Variants in BMPR1A observed in about 807,000 individuals in gnomAD.
The protein encoded by BMPR1A is bone morphogenetic protein receptor type-1A.
A neutral mutation model predicts 66.0 loss-of-function variants in BMPR1A; 7 were observed. The ratio of observed to expected loss-of-function variants is 0.11; its 90% CI spans 0.06 to 0.20. BMPR1A has a LOEUF of 0.20. Ranked by LOEUF, BMPR1A falls within the 10% of genes least tolerant of loss-of-function variation. The pLI, the probability that BMPR1A is intolerant of heterozygous loss-of-function variation, is 1.00. For missense variants in BMPR1A, 408 were observed against 669.1 expected (o/e 0.61, Z 4.31); for synonymous variants, 200 against 229.7 (o/e 0.87, Z 1.17).
At position 86,876,078 on chromosome 10, in the gene BMPR1A, T is replaced by C. The variant is rs780704079; in HGVS notation, c.60T>C (p.Arg20=). ...GAGCCTATTTGTTCATCATTTCTCG[T>C]GTTCAAGGTAAATCAGTGTTCATTT... ...LLGAYLFIIS[R]VQGQNLDSML... Residue 20 remains arginine (R), a synonymous_variant, in exon 3 of 13, where the codon CGT becomes CGC. Transcript: ENST00000372037. The C allele has an allele frequency of 3.7e-6, 6 of 1,610,338 alleles. No individual in the cohort carries two copies. Among genetic ancestry groups the C allele is most frequent in the Non-Finnish European group, 3.4e-6 (4 of 1,176,742 alleles).
intron 1 of BMPR1A, among the ~76,000 whole-genome samples, chr10:86,787,853 C>T (rs1281418164): frequency 1.3e-5 from 2 of 151,524 alleles, no homozygotes; most frequent in African/African-American, 4.8e-5. Context: ...TGAGAACTCA[C>T]TATCATGAGT....
chr10:86,849,670 CCACATAT>C (rs1842539408), intron 2 of BMPR1A, among the ~76,000 whole-genome samples: 1 of 152,174 alleles, frequency 6.6e-6, no homozygotes, highest in Admixed American at 6.5e-5. Flanking sequence ...TACTGAGTAG[CCACATAT>C]GGTTAGTGGC....
At chr10:86,796,940 G>A (rs1232750981) in intron 1 of BMPR1A, among the ~76,000 whole-genome samples, 2 of 151,988 alleles carry the variant, frequency 1.3e-5, no homozygotes, top group Non-Finnish European at 2.9e-5. Flanking sequence ...TAGCTCTCAT[G>A]CTTTAGTTCT....
rs952933726 is a variant in BMPR1A at position 86,850,809 on chromosome 10, T to G, written c.-153+11830T>G. On this transcript the variant is annotated intron_variant, in intron 2 of 12. Transcript: ENST00000372037. The stretch of plus-strand genomic sequence containing the variant: ...AGCCACCACACCTGGCCTAAAGTTC[T>G]CCTTTTTGAGGTGATAATTTTTAAA... Among the ~76,000 whole-genome samples the G allele has an allele frequency of 4.6e-5, 7 of 152,194 alleles. No homozygotes were observed. The South Asian group carries it at 1.4e-3, about 31-fold the overall frequency.
At chr10:86,901,460 T>C (rs1843309526) in intron 7 of BMPR1A, among the ~76,000 whole-genome samples, 2 of 152,238 alleles carry the variant, frequency 1.3e-5, no homozygotes, top group Non-Finnish European at 2.9e-5. Context: ...CAATGGCCAG[T>C]TCCGAAGTTC....
intron 1 of BMPR1A, among the ~76,000 whole-genome samples, chr10:86,799,457 T>TTCCTTCCTTCCTTC (rs1841774865): frequency 6.9e-5 from 10 of 144,228 alleles, no homozygotes; most frequent in African/African-American, 1.6e-4. Context: ...ACATTTTCTT[T>TTCCTTCCTTCCTTC]CTTCCTTCCT....
upstream of BMPR1A, chr10:86,756,169 G>T (rs534745103): frequency 6.6e-6 from 1 of 152,278 alleles, no homozygotes; most frequent in East Asian, 1.9e-4. Flanking sequence ...ATCCGGCCCC[G>T]AAGGCCGGAG....
chr10:86,876,950 G>A (rs778517304), intron 3 of BMPR1A, among the ~76,000 whole-genome samples: 6 of 152,176 alleles, frequency 3.9e-5, no homozygotes, highest in Non-Finnish European at 7.3e-5. Context: ...GGAAGTTATT[G>A]TGATGACTCT....
chr10:86,758,347 C>G (rs1366378775), intron 1 of BMPR1A, among the ~76,000 whole-genome samples: 1 of 150,644 alleles, frequency 6.6e-6, no homozygotes, highest in African/African-American at 2.4e-5. Context: ...GGCTTCTTAA[C>G]CTTCCGTCAA....
At chr10:86,897,182 A>T (rs1244360766) in intron 5 of BMPR1A, among the ~76,000 whole-genome samples, 1 of 152,200 alleles carries the variant, frequency 6.6e-6, no homozygotes, top group African/African-American at 2.4e-5. Flanking sequence ...ACACTGAATA[A>T]GTTTATTTAA....
At chr10:86,765,276 A>T (rs1020762413) in intron 1 of BMPR1A, among the ~76,000 whole-genome samples, 1 of 152,028 alleles carries the variant, frequency 6.6e-6, no homozygotes, top group African/African-American at 2.4e-5. Flanking sequence ...TCACGAGGTC[A>T]GGAACTCGAG....
intron 1 of BMPR1A, among the ~76,000 whole-genome samples, chr10:86,795,685 G>A (rs972229562): frequency 6.6e-6 from 1 of 151,992 alleles, no homozygotes; most frequent in Non-Finnish European, 1.5e-5. Flanking sequence ...TCCTAACAGG[G>A]CCCCGAAGAG....
chr10:86,825,591 C>A (rs1221998713), intron 1 of BMPR1A, among the ~76,000 whole-genome samples: 1 of 152,048 alleles, frequency 6.6e-6, no homozygotes, highest in African/African-American at 2.4e-5. Flanking sequence ...ATCCTCCCAC[C>A]TCAGCCTCCT....
intron 5 of BMPR1A, among the ~76,000 whole-genome samples, 182 bp from the exon 6 acceptor site, chr10:86,899,612 G>C (rs762832761): frequency 2.0e-5 from 3 of 152,134 alleles, no homozygotes; most frequent in Non-Finnish European, 4.4e-5. Context: ...CTTAAGAAAA[G>C]CCATTTTGCA....
chr10:86,891,826 G>C (rs1366247341), intron 4 of BMPR1A, among the ~76,000 whole-genome samples: 2 of 152,210 alleles, frequency 1.3e-5, no homozygotes, highest in Non-Finnish European at 2.9e-5. Flanking sequence ...TCAGCTTTCT[G>C]TGATCACATG....
At chr10:86,891,312 T>A (rs1843147604) in intron 4 of BMPR1A, among the ~76,000 whole-genome samples, 1 of 152,232 alleles carries the variant, frequency 6.6e-6, no homozygotes, top group Non-Finnish European at 1.5e-5. Flanking sequence ...TGTAATGGGC[T>A]GTCTGTTAGT....
intron 1 of BMPR1A, among the ~76,000 whole-genome samples, chr10:86,768,317 T>C (rs942208086): frequency 1.3e-5 from 2 of 152,166 alleles, no homozygotes; most frequent in Non-Finnish European, 2.9e-5. Flanking sequence ...TTAAAAAAAC[T>C]GTTATCCAAA....
chr10:86,917,222 G>A lies in BMPR1A; in HGVS notation c.764G>A (p.Gly255Asp), dbSNP rs1843585065. Residue 255 changes from glycine to aspartate, a missense_variant, in exon 9 of 13, where the codon GGC becomes GAC. Gly to Asp is a moderately conservative substitution (Grantham distance 94). Around this residue, in one of 5 missense-constraint regions of BMPR1A, gnomAD observed 174 missense variants for 265.1 expected, o/e 0.66. Transcript: ENST00000372037. ...GAAGTATGGATGGGCAAATGGCGTG[G>A]CGAAAAAGTGGCGGTGAAAGTATTC... ...YGEVWMGKWR[G>D]EKVAVKVFFT... 4 of 1,614,052 alleles carry A rather than the reference G, an allele frequency of 2.5e-6. No individual in the cohort carries two copies. Among genetic ancestry groups the A allele is most frequent in the African/African-American group, 2.7e-5 (2 of 75,040 alleles).
intron 1 of BMPR1A, among the ~76,000 whole-genome samples, chr10:86,824,601 A>G (rs1210388203): frequency 6.6e-6 from 1 of 152,200 alleles, no homozygotes; most frequent in Admixed American, 6.5e-5. Context: ...ACTAGTTGGC[A>G]TATTCGTGTA....
Sources: gnomAD v4.1 joint callset for allele counts (sites outside exome capture counted in the v4.1 genomes callset) on GRCh38, gnomAD v4.1.1 for gene constraint, gnomAD v4.1.1 regional missense constraint, MANE v1.5 for transcripts, NCBI Gene and HGNC (gene_info 2026-07-23, HGNC 2026-07-21) for gene names.